Variants in PDE8B observed in about 807,000 individuals in gnomAD.
PDE8B encodes the protein phosphodiesterase 8B.
In PDE8B, 26 loss-of-function variants were observed where a neutral mutation model predicts 101.3. The observed-to-expected ratio is 0.26, with a 90% CI of 0.19 to 0.36. The LOEUF (loss-of-function observed/expected upper bound fraction) is 0.36. PDE8B is among the 10% of genes least tolerant of loss of function. The probability of loss-of-function intolerance (pLI) is 1.00; values close to 1 mark genes in which losing one functional copy is unlikely to be tolerated. For synonymous variants in PDE8B, 424 were observed against 429.3 expected (o/e 0.99, Z 0.15); for missense variants, 810 against 1,163.1 (o/e 0.70, Z 4.42).
chr5:77,201,573 T>G, the PDE8B span, among the ~76,000 whole-genome samples: 1 of 152,312 alleles, frequency 6.6e-6, no homozygotes, highest in East Asian at 1.9e-4. Context: ...ATTCCCTTGA[T>G]AGACAAAGCT....
At chr5:77,264,377 A>G (rs1051607820) in intron 1 of PDE8B, among the ~76,000 whole-genome samples, 4 of 152,218 alleles carry the variant, frequency 2.6e-5, no homozygotes, top group Non-Finnish European at 5.9e-5. Flanking sequence ...TTATATTCCC[A>G]TCAACAATAT....
At chr5:77,111,491 C>T in the PDE8B span, among the ~76,000 whole-genome samples, 1 of 152,058 alleles carries the variant, frequency 6.6e-6, no homozygotes, top group East Asian at 1.9e-4. Context: ...ACACAGGGCT[C>T]CCTGACTGCA....
chr5:77,271,905 G>A (rs1762886886), intron 1 of PDE8B, among the ~76,000 whole-genome samples: 1 of 152,204 alleles, frequency 6.6e-6, no homozygotes, highest in Non-Finnish European at 1.5e-5. Flanking sequence ...TGTAGTCAGT[G>A]CAACTTGCAG....
intron 1 of PDE8B, among the ~76,000 whole-genome samples, chr5:77,274,080 C>T (rs2149795257): frequency 6.6e-6 from 1 of 152,176 alleles, no homozygotes; most frequent in African/African-American, 2.4e-5. Context: ...CCTCGGCCTC[C>T]CAACGTGATG....
intron 10 of PDE8B, among the ~76,000 whole-genome samples, chr5:77,395,061 C>A (rs1306191732): frequency 2.0e-5 from 3 of 152,146 alleles, no homozygotes; most frequent in Non-Finnish European, 4.4e-5. Flanking sequence ...CATGGTCCAT[C>A]CAGCTTTTGG....
At chr5:77,382,399 G>A (rs925449972) in intron 10 of PDE8B, among the ~76,000 whole-genome samples, 1 of 152,090 alleles carries the variant, frequency 6.6e-6, no homozygotes, top group African/African-American at 2.4e-5. Flanking sequence ...AGCAAAATAC[G>A]TACATCTTAG....
intron 3 of PDE8B, among the ~76,000 whole-genome samples, chr5:77,326,693 A>G (rs895663077): frequency 1.3e-5 from 2 of 152,276 alleles, no homozygotes; most frequent in South Asian, 4.1e-4. Flanking sequence ...ATAGTATATC[A>G]TAAAATATCT....
intron 10 of PDE8B, among the ~76,000 whole-genome samples, 179 bp downstream of exon 10, chr5:77,353,585 C>G (rs1246873972): frequency 6.6e-6 from 1 of 152,080 alleles, no homozygotes; most frequent in Non-Finnish European, 1.5e-5. Flanking sequence ...CCCAGCAAAC[C>G]TATATCACTT....
At chr5:77,113,317 T>A in the PDE8B span, 2 of 151,516 alleles carry the variant, frequency 1.3e-5, no homozygotes, top group Non-Finnish European at 2.9e-5. Flanking sequence ...AAAACAGATA[T>A]ATAGACCAAT....
In PDE8B at chr5:77,418,309, C is replaced by T. The variant is rs773979434; in HGVS notation, c.1992C>T (p.Asn664=). 1.1e-5 allele frequency: 17 copies of T among 1,613,654 alleles called. No individual in the cohort carries two copies. The highest frequency in any genetic ancestry group is 1.4e-5 in the Non-Finnish European group (16 of 1,179,640). The change falls in exon 18 of 22, where the codon AAC becomes AAT. Residue 664 remains asparagine (N), a synonymous_variant. Transcript: ENST00000264917. The part of the protein sequence containing the change: ...VHDVDHPGRT[N]SFLCNAGSEL... ...ACGTGGATCACCCGGGAAGGACCAACTCTTTCCTCTGCAATGCAGGCAGTG... is the reference window on the plus strand; with the variant it reads ...ACGTGGATCACCCGGGAAGGACCAATTCTTTCCTCTGCAATGCAGGCAGTG...
chr5:77,347,586 T>C (rs548506371), intron 7 of PDE8B, among the ~76,000 whole-genome samples: 3 of 152,312 alleles, frequency 2.0e-5, no homozygotes, highest in African/African-American at 7.2e-5. Context: ...TATCCAAAGA[T>C]CAATTCAAAA....
At chr5:77,426,397 TG>T (rs1230895838) in intron 21 of PDE8B, 47 bp from the exon 22 acceptor site, 2 of 1,254,622 alleles carry the variant, frequency 1.6e-6, no homozygotes, top group Admixed American at 3.5e-5. Flanking sequence ...TAAATGCTCC[TG>T]GGGTCTAAGT....
intron 1 of PDE8B, among the ~76,000 whole-genome samples, chr5:77,222,511 A>C (rs142249522): frequency 1.8e-3 from 281 of 152,238 alleles, no homozygotes; most frequent in African/African-American, 6.6e-3. Flanking sequence ...AATCCCAGTT[A>C]CTCAGGAGGC....
At position 77,307,762 on chromosome 5, in the gene PDE8B, T is replaced by C. The variant is rs143000953; in HGVS notation, c.340-4232T>C. Reference sequence around the variant, plus strand: ...GTTCAGCAGTCCTTCCTCATTAGGCTACTGTGGAAACACATGTGGCTAGGA... The same window carrying C: ...GTTCAGCAGTCCTTCCTCATTAGGCCACTGTGGAAACACATGTGGCTAGGA... On this transcript the variant is annotated intron_variant, in intron 1 of 21. Coordinates refer to ENST00000264917, the MANE Select transcript of PDE8B (RefSeq NM_003719.5). Among the ~76,000 whole-genome samples the C allele has an allele frequency of 3.4e-3, 512 of 152,326 alleles. 5 individuals are homozygous for C. Among genetic ancestry groups the C allele is most frequent in the African/African-American group, 9.9e-3 (410 of 41,576 alleles).
Position 77,426,597 on chromosome 5 carries a change from G to A in PDE8B, c.*43G>A. ...GGCCTCTTGACCGACAAAGGACACT[G>A]TGAATCACAGTAGCGTAAACGAGAG... On this transcript the variant is annotated 3_prime_UTR_variant, in exon 22 of 22. Transcript: ENST00000264917. 1 of 986,792 alleles carries A rather than the reference G, an allele frequency of 1.0e-6. No individual in the cohort carries two copies. The highest frequency in any genetic ancestry group is 1.3e-5 in the South Asian group (1 of 77,364). 61.1% of individuals were successfully genotyped at this position (986,792 alleles called of 1,614,324 possible). A position where few individuals can be genotyped will look rare whatever the true frequency, so the allele number is the denominator to read the frequency against.
At chr5:77,254,972 G>T (rs906902136) in intron 1 of PDE8B, among the ~76,000 whole-genome samples, 4 of 152,184 alleles carry the variant, frequency 2.6e-5, no homozygotes, top group African/African-American at 9.7e-5. Context: ...TGTTTCTAGA[G>T]AATCTTTCGT....
the PDE8B span, among the ~76,000 whole-genome samples, chr5:77,182,366 A>T: frequency 2.6e-5 from 4 of 152,096 alleles, no homozygotes; most frequent in African/African-American, 9.7e-5. Flanking sequence ...AGGTGGAAGT[A>T]AGCCTGACTG....
In PDE8B at chr5:77,211,841, G is replaced by A. The variant is rs1045201842; in HGVS notation, c.339+577G>A. Among the ~76,000 whole-genome samples, 11 of 152,184 alleles carry A rather than the reference G, an allele frequency of 7.2e-5. No individual in the cohort carries two copies. The highest frequency in any genetic ancestry group is 1.5e-5 in the Non-Finnish European group (1 of 68,028). On this transcript the variant is annotated intron_variant, in intron 1 of 21. Transcript: ENST00000264917. This position sits in a 1 kb window ranked among gnomAD's most constrained non-coding sequence, Gnocchi z 4.1. ...GGAACGGAGCAGAGTGGAACCTGTT[G>A]TTTGTCACTGTAACGTTTCTCTGGG...
chr5:77,139,053 TC>T, the PDE8B span, among the ~76,000 whole-genome samples: 1 of 152,198 alleles, frequency 6.6e-6, no homozygotes, highest in Admixed American at 6.5e-5. Flanking sequence ...TGGAATCAAG[TC>T]GTTCCCAGTT....
Sources: allele counts gnomAD v4.1 joint callset (sites outside exome capture counted in the v4.1 genomes callset), GRCh38; gene constraint gnomAD v4.1.1; non-coding constraint Gnocchi (gnomAD v3.1); transcripts MANE v1.5; gene names NCBI Gene and HGNC (gene_info 2026-07-23, HGNC 2026-07-21).